Variants in MMP16 observed in about 807,000 individuals in gnomAD.
MMP16 encodes the protein matrix metalloproteinase-16.
Under a neutral mutation model 67.8 loss-of-function variants are expected in MMP16, and 12 were observed. That is an observed-to-expected ratio of 0.18 (90% CI 0.11 to 0.29). The LOEUF (loss-of-function observed/expected upper bound fraction) is 0.29, where lower values mean the gene tolerates loss of function less well. Ranked by LOEUF, MMP16 falls within the 10% of genes least tolerant of loss-of-function variation. The pLI, the probability that MMP16 is intolerant of heterozygous loss-of-function variation, is 1.00. For synonymous variants in MMP16, 249 were observed against 255.9 expected (o/e 0.97, Z 0.26); for missense variants, 475 against 765.7 (o/e 0.62, Z 4.48).
chr8:88,283,741 G>T (rs994911142), intron 1 of MMP16, among the ~76,000 whole-genome samples: 3 of 151,804 alleles, frequency 2.0e-5, no homozygotes, highest in Non-Finnish European at 2.9e-5. Context: ...TAATCATGAG[G>T]TTATACACTG....
intron 8 of MMP16, among the ~76,000 whole-genome samples, chr8:88,051,319 G>A (rs997168474): frequency 9.2e-5 from 14 of 152,084 alleles, no homozygotes; most frequent in Non-Finnish European, 1.8e-4. Flanking sequence ...TATTCAGATC[G>A]GAACACTGTG....
chr8:88,155,767 A>T (rs1808499402), intron 4 of MMP16, among the ~76,000 whole-genome samples: 1 of 152,114 alleles, frequency 6.6e-6, no homozygotes, highest in African/African-American at 2.4e-5. Context: ...CCTGTTCCAT[A>T]GCAAGCTTTT....
At chr8:88,106,544 A>G (rs1809244617) in intron 6 of MMP16, among the ~76,000 whole-genome samples, 1 of 150,978 alleles carries the variant, frequency 6.6e-6, no homozygotes, top group African/African-American at 2.4e-5. Context: ...CCTGATGATC[A>G]AACATTTTTC....
chr8:88,172,883 T>C (rs1393949663), intron 3 of MMP16, among the ~76,000 whole-genome samples: 1 of 152,084 alleles, frequency 6.6e-6, no homozygotes, highest in African/African-American at 2.4e-5. Context: ...CCAATGTCTT[T>C]ATAAGTACAA....
At chr8:88,132,130 G>C (rs1314206592) in intron 4 of MMP16, among the ~76,000 whole-genome samples, 5 of 151,880 alleles carry the variant, frequency 3.3e-5, no homozygotes, top group Non-Finnish European at 7.4e-5. Flanking sequence ...TGGAGAAATA[G>C]AGATTTTTTA....
At chr8:88,289,604 A>G (rs915516339) in intron 1 of MMP16, among the ~76,000 whole-genome samples, 2 of 151,918 alleles carry the variant, frequency 1.3e-5, no homozygotes, top group East Asian at 3.9e-4. Context: ...AAATACAGTC[A>G]TTTCTCATTA....
chr8:88,173,606 A>G (rs1349858065), intron 3 of MMP16, among the ~76,000 whole-genome samples: 2 of 152,232 alleles, frequency 1.3e-5, no homozygotes, highest in South Asian at 2.1e-4. Flanking sequence ...GAAAGCAGAC[A>G]ATTGCTAAGA....
chr8:88,212,299 C>G (rs953687850), intron 1 of MMP16, among the ~76,000 whole-genome samples: 6 of 151,990 alleles, frequency 3.9e-5, no homozygotes, highest in Non-Finnish European at 5.9e-5. Flanking sequence ...ATGGTATTTG[C>G]TAAGTTTCAA....
At chr8:88,321,247 A>G (rs896904392) in intron 1 of MMP16, among the ~76,000 whole-genome samples, 1 of 152,174 alleles carries the variant, frequency 6.6e-6, no homozygotes, top group African/African-American at 2.4e-5. Flanking sequence ...AATACAGTAT[A>G]AGCACTTAAT....
intron 6 of MMP16, among the ~76,000 whole-genome samples, chr8:88,096,062 C>A (rs1809020847): frequency 6.6e-6 from 1 of 151,966 alleles, no homozygotes; most frequent in African/African-American, 2.4e-5. Flanking sequence ...TACAGATCTA[C>A]AATCCCTAAT....
chr8:88,075,566 A>G (rs1295858231), intron 6 of MMP16, among the ~76,000 whole-genome samples: 1 of 152,150 alleles, frequency 6.6e-6, no homozygotes, highest in Non-Finnish European at 1.5e-5. Context: ...TCAAACCCAA[A>G]AAAGGATACA....
At chr8:88,316,571 C>G (rs377647622) in intron 1 of MMP16, among the ~76,000 whole-genome samples, 1 of 152,120 alleles carries the variant, frequency 6.6e-6, no homozygotes, top group Non-Finnish European at 1.5e-5. Context: ...AGACTTACTG[C>G]TCAGGAAAAA....
chr8:88,103,182 A>G (rs1037117405), intron 6 of MMP16, among the ~76,000 whole-genome samples: 1 of 151,782 alleles, frequency 6.6e-6, no homozygotes, highest in African/African-American at 2.4e-5. Context: ...ACACCCGCAC[A>G]TGCAGATTAT....
chr8:88,067,530 T>C (rs1808479316), intron 7 of MMP16, among the ~76,000 whole-genome samples: 1 of 151,980 alleles, frequency 6.6e-6, no homozygotes, highest in Non-Finnish European at 1.5e-5. Context: ...ATTGACATAA[T>C]CAAGAAAATG....
intron 1 of MMP16, among the ~76,000 whole-genome samples, chr8:88,264,194 A>G (rs1190623689): frequency 6.6e-6 from 1 of 151,280 alleles, no homozygotes; most frequent in Non-Finnish European, 1.5e-5. Flanking sequence ...GCACACATAC[A>G]CACACACACA....
chr8:88,034,645 A>T lies in MMP16; in HGVS notation c.*6816T>A, dbSNP rs568619527. ...TAACATTGATTTAAGGATAACGCTC[A>T]TATTACTACCAAAATCATTCATTCA... On this transcript the variant is annotated 3_prime_UTR_variant, in exon 10 of 10. Transcript: ENST00000286614. 3 of 152,248 alleles carry T rather than the reference A, an allele frequency of 2.0e-5. No homozygotes were observed. The highest frequency in any genetic ancestry group is 1.3e-4 in the Admixed American group (2 of 15,244). The allele number at this position is 152,248 out of a possible 1,614,324, so 9.4% of individuals were successfully genotyped here. A position where few individuals can be genotyped will look rare whatever the true frequency, so the allele number is the denominator to read the frequency against.
intron 1 of MMP16, among the ~76,000 whole-genome samples, chr8:88,207,611 G>C (rs1809449993): frequency 1.3e-5 from 2 of 151,866 alleles, no homozygotes; most frequent in South Asian, 4.1e-4. Flanking sequence ...CTTGTGAATT[G>C]CTTCACTTGT....
intron 1 of MMP16, among the ~76,000 whole-genome samples, chr8:88,260,699 A>G (rs1453157987): frequency 2.0e-5 from 3 of 152,198 alleles, no homozygotes; most frequent in African/African-American, 7.2e-5. Context: ...AACTGATAAC[A>G]TTCAGATGAA....
At chr8:88,110,049 A>T (rs1809307917) in intron 6 of MMP16, among the ~76,000 whole-genome samples, 2 of 151,328 alleles carry the variant, frequency 1.3e-5, no homozygotes, top group African/African-American at 4.8e-5. Flanking sequence ...CCAAAATAAA[A>T]TGTACATAAT....
Sources: allele counts gnomAD v4.1 joint callset (sites outside exome capture counted in the v4.1 genomes callset), GRCh38; gene constraint gnomAD v4.1.1; transcripts MANE v1.5; gene names NCBI Gene and HGNC (gene_info 2026-07-23, HGNC 2026-07-21).